The following PTCD3 variants were observed in gnomAD, a reference collection of about 807,000 sequenced individuals.
PTCD3 encodes small ribosomal subunit protein mS39.
Under a neutral mutation model 101.9 loss-of-function variants are expected in PTCD3, and 89 were observed. The ratio of observed to expected loss-of-function variants is 0.87; its 90% CI spans 0.74 to 1.04. The LOEUF (loss-of-function observed/expected upper bound fraction) is 1.04, where lower values mean the gene tolerates loss of function less well. Among genes scored for constraint, PTCD3 ranks in the 50% least tolerant of loss-of-function variants. The pLI is 0.00. For missense variants in PTCD3, 870 were observed against 828.2 expected (o/e 1.05, Z -0.62); for synonymous variants, 296 against 278.5 (o/e 1.06, Z -0.63).
At chr2:86,113,366 T>C (rs1329575885) in intron 4 of PTCD3, among the ~76,000 whole-genome samples, 1 of 152,192 alleles carries the variant, frequency 6.6e-6, no homozygotes, top group Non-Finnish European at 1.5e-5. Flanking sequence ...ACCAAAAACT[T>C]TTAATTTCGT....
chr2:86,113,492 A>T (rs1674125614), intron 4 of PTCD3, among the ~76,000 whole-genome samples: 1 of 152,288 alleles, frequency 6.6e-6, no homozygotes, highest in African/African-American at 2.4e-5. Context: ...TCTATTGTGG[A>T]TATTAAACTA....
intron 4 of PTCD3, among the ~76,000 whole-genome samples, chr2:86,116,177 C>T (rs1043329681): frequency 1.3e-5 from 2 of 152,278 alleles, no homozygotes; most frequent in African/African-American, 2.4e-5. Flanking sequence ...AGGTTACATA[C>T]ATAATTACAA....
chr2:86,107,162 C>A, intron 1 of PTCD3: 1 of 471,216 alleles, frequency 2.1e-6, no homozygotes, highest in East Asian at 6.9e-5. Flanking sequence ...ACTGCAGAAA[C>A]CTTTGTGCTG....
intron 8 of PTCD3, among the ~76,000 whole-genome samples, chr2:86,123,261 TAAAAAAA>T (rs3077184): frequency 3.5e-5 from 5 of 142,064 alleles, no homozygotes; most frequent in African/African-American, 1.3e-4. Context: ...GACTCTGTCT[TAAAAAAA>T]AAAAAAAAAA....
chr2:86,132,338 A>G lies in PTCD3; in HGVS notation c.1287A>G (p.Leu429=), dbSNP rs745521892. ...AMSICSSLRD[L]ELAYQVHGLL... ...TTCAGTGCTCATCTCTCAGAGATCTAGAACTTGCCTACCAAGTACATGGCC... is the reference window on the plus strand; with the variant it reads ...TTCAGTGCTCATCTCTCAGAGATCTGGAACTTGCCTACCAAGTACATGGCC... Residue 429 remains leucine (L), a synonymous_variant, in exon 17 of 24, where the codon CTA becomes CTG. Coordinates refer to ENST00000254630, the MANE Select transcript of PTCD3 (RefSeq NM_017952.6). 20 of 1,603,832 alleles carry G rather than the reference A, an allele frequency of 1.2e-5. 1 individual carries two copies. In the East Asian group the frequency reaches 4.5e-4, roughly 36 times the overall value.
At chr2:86,123,796 G>A (rs753646079) in intron 9 of PTCD3, 34 bp downstream of exon 9, 3 of 1,437,854 alleles carry the variant, frequency 2.1e-6, no homozygotes, top group East Asian at 2.3e-5. Context: ...TTGAATTACA[G>A]TGTCTTACAG....
intron 21 of PTCD3, among the ~76,000 whole-genome samples, chr2:86,135,371 C>A (rs1338179958): frequency 6.6e-6 from 1 of 152,186 alleles, no homozygotes; most frequent in South Asian, 2.1e-4. Flanking sequence ...ATCCCACTCT[C>A]CAGCTTAAAA....
chr2:86,119,884 C>T (rs1295260974), intron 7 of PTCD3, among the ~76,000 whole-genome samples: 1 of 152,178 alleles, frequency 6.6e-6, no homozygotes, highest in African/African-American at 2.4e-5. Flanking sequence ...GAGCTACACA[C>T]GTAAATAGCA....
Position 86,127,206 on chromosome 2 carries a change from C to A in PTCD3, c.997C>A (p.Gln333Lys). The A allele has an allele frequency of 6.2e-7, 1 of 1,613,740 alleles. No individual in the cohort carries two copies. The highest frequency in any genetic ancestry group is 1.1e-5 in the South Asian group (1 of 91,056). Residue 333 changes from glutamine to lysine, a missense_variant, in exon 13 of 24, where the codon CAG becomes AAG. Physicochemically the swap from Gln to Lys is moderately conservative, Grantham distance 53. Coordinates refer to ENST00000254630, the MANE Select transcript of PTCD3 (RefSeq NM_017952.6). ...TGCACAGAAGGTGAAACCAAATCTT[C>A]AGACTTTTAATACCATTCTGAAATG... ...MVAQKVKPNL[Q>K]TFNTILKCLR...
chr2:86,133,022 G>A (rs987101117), intron 17 of PTCD3, 156 bp from the exon 18 acceptor site: 4 of 1,217,732 alleles, frequency 3.3e-6, no homozygotes, highest in African/African-American at 1.5e-5. Flanking sequence ...AGCACACACT[G>A]GCAGCTCTTA....
rs376485527 is a variant in PTCD3, at chr2:86,137,484, T to G, written c.1995T>G (p.Asn665Lys). Residue 665 changes from asparagine to lysine, a missense_variant, in exon 24 of 24, where the codon AAT becomes AAG. By Grantham distance (94) the Asn-to-Lys change is moderately conservative. Coordinates refer to ENST00000254630, the MANE Select transcript of PTCD3 (RefSeq NM_017952.6). The stretch of plus-strand genomic sequence containing the variant: ...TTCTTAACAGGGAAGCCCTAAGTAA[T>G]CTAACTGCATTGACCAGTGACAGTG... ...INQEQKEALS[N>K]LTALTSDSDT... is the part of the protein sequence containing the mutation. 1.2e-6 allele frequency: 2 copies of G among 1,612,876 alleles called. No individual in the cohort carries two copies. The highest frequency in any genetic ancestry group is 1.3e-5 in the African/African-American group (1 of 74,544).
At position 86,116,600 on chromosome 2, in the gene PTCD3, T is replaced by C. The variant is rs1446327179; in HGVS notation, c.309+2T>C. On this transcript the variant is annotated splice_donor_variant, in intron 5 of 23. Coordinates refer to ENST00000254630, the MANE Select transcript of PTCD3 (RefSeq NM_017952.6). LOFTEE classifies it high-confidence loss of function. ...ATGCCAGCATCATCTTTGGAATCTG[T>C]GAGTATTTTCATATAATTTTCTAGT... 1 of 1,598,716 alleles carries C rather than the reference T, an allele frequency of 6.3e-7. No individual in the cohort carries two copies.
At chr2:86,119,863 GTAAAC>G (rs1674250116) in intron 7 of PTCD3, among the ~76,000 whole-genome samples, 1 of 152,204 alleles carries the variant, frequency 6.6e-6, no homozygotes, top group Non-Finnish European at 1.5e-5. Flanking sequence ...GGAGCTGGAT[GTAAAC>G]TTGCGGAGCT....
At chr2:86,130,293 C>G (rs1384159533) in intron 14 of PTCD3, among the ~76,000 whole-genome samples, 2 of 151,844 alleles carry the variant, frequency 1.3e-5, no homozygotes, top group Non-Finnish European at 2.9e-5. Flanking sequence ...ATGCAAGACT[C>G]CATCTCAAAA....
chr2:86,110,516 C>G (rs1433216778), intron 3 of PTCD3, among the ~76,000 whole-genome samples: 4 of 152,154 alleles, frequency 2.6e-5, no homozygotes, highest in Admixed American at 1.3e-4. Context: ...TCCAGTGAAG[C>G]CTTTTCTAAT....
intron 17 of PTCD3, chr2:86,132,625 T>G (rs57917751): frequency 1.6e-3 from 337 of 208,344 alleles, no homozygotes; most frequent in African/African-American, 8.1e-3. Flanking sequence ...TTTAAGGGTT[T>G]TTTTTTTTTT....
At chr2:86,113,973 C>T (rs1674133698) in intron 4 of PTCD3, among the ~76,000 whole-genome samples, 1 of 152,030 alleles carries the variant, frequency 6.6e-6, no homozygotes, top group Admixed American at 6.6e-5. Flanking sequence ...TAAATAGGCA[C>T]CTGAAATGTA....
chr2:86,130,772 A>G (rs752656140), intron 15 of PTCD3, 35 bp downstream of exon 15: 8 of 1,609,134 alleles, frequency 5.0e-6, no homozygotes, highest in African/African-American at 1.3e-5. Flanking sequence ...TTCCTCCTCT[A>G]AAGACAGAGG....
At chr2:86,135,190 A>G (rs1217899402) in intron 21 of PTCD3, 6 of 466,478 alleles carry the variant, frequency 1.3e-5, no homozygotes, top group Non-Finnish European at 1.1e-5. Flanking sequence ...CTCTCAAACC[A>G]TACGCTGAGA....
Sources: gnomAD v4.1 joint callset for allele counts (sites outside exome capture counted in the v4.1 genomes callset) on GRCh38, gnomAD v4.1.1 for gene constraint, MANE v1.5 for transcripts, NCBI Gene and HGNC (gene_info 2026-07-23, HGNC 2026-07-21) for gene names.